The following SLC35F3 variants were observed in gnomAD, a reference collection of about 807,000 sequenced individuals.
The protein encoded by SLC35F3 is solute carrier family 35 member F3, also known as putative thiamine transporter SLC35F3.
A neutral mutation model predicts 49.9 loss-of-function variants in SLC35F3; 25 were observed. That is an observed-to-expected ratio of 0.50 (90% CI 0.37 to 0.70). SLC35F3 has a LOEUF of 0.70. SLC35F3 is among the 30% of genes least tolerant of loss of function. The pLI, the probability that SLC35F3 is intolerant of heterozygous loss-of-function variation, is 0.00. For synonymous variants in SLC35F3, 275 were observed against 265.4 expected (o/e 1.04, Z -0.35); for missense variants, 525 against 639.8 (o/e 0.82, Z 1.94).
At chr1:234,008,853 C>T (rs1306234172) in intron 2 of SLC35F3, among the ~76,000 whole-genome samples, 1 of 152,186 alleles carries the variant, frequency 6.6e-6, no homozygotes, top group Non-Finnish European at 1.5e-5. Flanking sequence ...TTCCTGGATG[C>T]TGCCTGACTG....
chr1:234,266,873 GTT>G (rs34040004), intron 3 of SLC35F3, among the ~76,000 whole-genome samples: 2 of 108,644 alleles, frequency 1.8e-5, no homozygotes, highest in Admixed American at 1.1e-4. Flanking sequence ...GAAGCACATG[GTT>G]TTTTTTTTTT....
intron 2 of SLC35F3, among the ~76,000 whole-genome samples, chr1:234,105,661 T>C (rs2102884422): frequency 6.6e-6 from 1 of 152,278 alleles, no homozygotes; most frequent in East Asian, 1.9e-4. Flanking sequence ...AATCATTGGG[T>C]TGTCTCTTTT....
intron 3 of SLC35F3, among the ~76,000 whole-genome samples, chr1:234,278,519 G>GA (rs1347070317): frequency 1.3e-5 from 2 of 149,736 alleles, no homozygotes; most frequent in Admixed American, 1.3e-4. Flanking sequence ...AAAAAAAAGA[G>GA]AAAAAACTAA....
At chr1:233,998,947 C>G (rs564916137) in intron 2 of SLC35F3, among the ~76,000 whole-genome samples, 15 of 152,232 alleles carry the variant, frequency 9.9e-5, no homozygotes, top group South Asian at 8.3e-4. Flanking sequence ...AGAGTACAGC[C>G]CTTGATGCTT....
chr1:234,165,251 A>G (rs1177984572), intron 2 of SLC35F3, among the ~76,000 whole-genome samples: 1 of 152,070 alleles, frequency 6.6e-6, no homozygotes, highest in African/African-American at 2.4e-5. Context: ...TTATGAGTAG[A>G]TATTATTCCA....
At chr1:234,266,873 G>GT (rs34040004) in intron 3 of SLC35F3, among the ~76,000 whole-genome samples, 33,263 of 107,916 alleles carry the variant, frequency 0.31, 5,616 homozygotes, top group East Asian at 0.49. Context: ...GAAGCACATG[G>GT]TTTTTTTTTT....
At chr1:234,217,160 A>T (rs768032288) in intron 2 of SLC35F3, among the ~76,000 whole-genome samples, 1 of 152,220 alleles carries the variant, frequency 6.6e-6, no homozygotes, top group Non-Finnish European at 1.5e-5. Flanking sequence ...GCCAGCGAGG[A>T]ATATTTATTA....
At chr1:234,185,045 A>G (rs574604584) in intron 2 of SLC35F3, among the ~76,000 whole-genome samples, 1 of 152,356 alleles carries the variant, frequency 6.6e-6, no homozygotes, top group South Asian at 2.1e-4. Flanking sequence ...CTGCAACAGG[A>G]GGGAAGCTAC....
intron 2 of SLC35F3, among the ~76,000 whole-genome samples, chr1:234,145,689 A>T (rs989655958): frequency 6.6e-6 from 1 of 152,168 alleles, no homozygotes; most frequent in African/African-American, 2.4e-5. Flanking sequence ...TAAGTAATCT[A>T]GAGATTATTT....
At chr1:234,018,761 T>C (rs745863897) in intron 2 of SLC35F3, among the ~76,000 whole-genome samples, 23 of 152,352 alleles carry the variant, frequency 1.5e-4, no homozygotes, top group Non-Finnish European at 2.9e-4. Context: ...TTCATTTCAA[T>C]TGACTTTTCC....
chr1:233,969,261 G>A (rs377653488), intron 2 of SLC35F3, among the ~76,000 whole-genome samples: 89 of 152,284 alleles, frequency 5.8e-4, no homozygotes, highest in African/African-American at 2.0e-3. Context: ...GGATCTAAAG[G>A]GGCTATAGGA....
intron 2 of SLC35F3, among the ~76,000 whole-genome samples, chr1:233,958,665 A>C (rs948233392): frequency 6.6e-6 from 1 of 152,264 alleles, no homozygotes; most frequent in African/African-American, 2.4e-5. Flanking sequence ...TAAAATTACA[A>C]AATGTAAGAG....
intron 2 of SLC35F3, among the ~76,000 whole-genome samples, chr1:234,077,955 G>A (rs926560006): frequency 6.6e-6 from 1 of 152,124 alleles, no homozygotes; most frequent in Non-Finnish European, 1.5e-5. Flanking sequence ...AGATGTCAGG[G>A]AGGAATTACT....
chr1:233,942,842 A>G (rs1662450596), intron 2 of SLC35F3, among the ~76,000 whole-genome samples: 1 of 152,188 alleles, frequency 6.6e-6, no homozygotes. Context: ...AACCCATTGA[A>G]TAACAACTCT....
In SLC35F3 at chr1:234,142,458, G is replaced by A. The variant is rs150790259; in HGVS notation, c.284-88959G>A. ...GTCCACTGCGGTGGAGAGGGCTGCT[G>A]CAGTGAATGACTGAGACCTCTGGAA... On this transcript the variant is annotated intron_variant, in intron 2 of 7. Coordinates refer to ENST00000366618, the MANE Select transcript of SLC35F3 (RefSeq NM_173508.4). Among the ~76,000 whole-genome samples the A allele has an allele frequency of 3.9e-4, 60 of 152,316 alleles. 1 individual carries two copies. In the East Asian group the frequency reaches 9.3e-3, roughly 24 times the overall value.
intron 2 of SLC35F3, among the ~76,000 whole-genome samples, chr1:233,989,467 C>G (rs1663319678): frequency 6.6e-6 from 1 of 152,076 alleles, no homozygotes; most frequent in South Asian, 2.1e-4. Flanking sequence ...CAGAGGCTGT[C>G]AGAATGTGGT....
chr1:234,064,102 G>C (rs1201949514), intron 2 of SLC35F3, among the ~76,000 whole-genome samples: 1 of 152,140 alleles, frequency 6.6e-6, no homozygotes, highest in Non-Finnish European at 1.5e-5. Flanking sequence ...TAAACATTTG[G>C]ATTTTTTGGT....
At chr1:234,050,954 G>A (rs995390270) in intron 2 of SLC35F3, among the ~76,000 whole-genome samples, 2 of 152,180 alleles carry the variant, frequency 1.3e-5, no homozygotes, top group African/African-American at 4.8e-5. Flanking sequence ...TTGTAGATGT[G>A]TGGTATTATT....
intron 2 of SLC35F3, among the ~76,000 whole-genome samples, chr1:234,078,735 A>AT (rs918553332): frequency 4.6e-5 from 7 of 152,000 alleles, no homozygotes; most frequent in Non-Finnish European, 1.0e-4. Context: ...TCTATGGCTA[A>AT]TTTTTTTTGT....
Sources: gnomAD v4.1 joint callset for allele counts (sites outside exome capture counted in the v4.1 genomes callset) on GRCh38, gnomAD v4.1.1 for gene constraint, MANE v1.5 for transcripts, NCBI Gene and HGNC (gene_info 2026-07-23, HGNC 2026-07-21) for gene names.